Variants in ALDH4A1 observed in about 807,000 individuals in gnomAD.
ALDH4A1 encodes delta-1-pyrroline-5-carboxylate dehydrogenase, mitochondrial.
Under a neutral mutation model 70.5 loss-of-function variants are expected in ALDH4A1, and 46 were observed. The observed-to-expected ratio is 0.65, with a 90% confidence interval of 0.51 to 0.83. The LOEUF (loss-of-function observed/expected upper bound fraction) is 0.83. Ranked by LOEUF, ALDH4A1 falls within the 40% of genes least tolerant of loss-of-function variation. The pLI is 0.00. For synonymous variants in ALDH4A1, 323 were observed against 324.3 expected (o/e 1.00, Z 0.04); for missense variants, 749 against 766.5 (o/e 0.98, Z 0.27).
chr1:18,897,047 A>C (rs1337598321), intron 1 of ALDH4A1: 6 of 533,728 alleles, frequency 1.1e-5, no homozygotes, highest in Non-Finnish European at 1.5e-5. Context: ...CCACCACATA[A>C]GCGTATGAGG....
chr1:18,885,437 C>T, intron 5 of ALDH4A1, 36 bp downstream of exon 5: 1 of 618,510 alleles, frequency 1.6e-6, no homozygotes, highest in Non-Finnish European at 3.0e-6. Context: ...TCCCACCCCA[C>T]CCCGCCCCAC....
Position 18,877,599 on chromosome 1 carries a change from C to G in ALDH4A1, c.954G>C (p.Lys318Asn), listed in dbSNP as rs1219225970. The change falls in exon 10 of 15, where the codon AAG (lysine) becomes AAC (asparagine). Residue 318 changes from lysine to asparagine, a missense_variant. Physicochemically the swap from Lys to Asn is moderately conservative, Grantham distance 94. Transcript: ENST00000375341. The stretch of plus-strand genomic sequence containing the variant: ...CCGAGCGGTGCACGAAGTGGAAGTT[C>G]TTTCCGCCGCACTCTACAGGGGTCG... ...FPRLAGECGG[K>N]NFHFVHRSAD... The G allele has an allele frequency of 6.2e-7, 1 of 1,609,618 alleles. No homozygotes were observed.
rs568068391 is a variant in ALDH4A1 at position 18,898,983 on chromosome 1, T to C, written c.62+3479A>G. Among the ~76,000 whole-genome samples, 6 of 152,370 alleles carry C rather than the reference T, an allele frequency of 3.9e-5. No individual in the cohort carries two copies. Among genetic ancestry groups the C allele is most frequent in the African/African-American group, 1.4e-4 (6 of 41,586 alleles). ...AGGAAACCACTGATCACATCACCGC[T>C]AATCCTTGCAGCCACCTGCTACGTG... On this transcript the variant is annotated intron_variant, in intron 1 of 14. Transcript: ENST00000375341. The surrounding 1 kb of genome is among the most constrained non-coding windows in gnomAD (Gnocchi z 4.3).
At chr1:18,901,466 A>T (rs917609225) in intron 1 of ALDH4A1, among the ~76,000 whole-genome samples, 5 of 152,100 alleles carry the variant, frequency 3.3e-5, no homozygotes, top group African/African-American at 1.2e-4. Context: ...ACAGGTGGGC[A>T]GCCCCACCAG....
At chr1:18,894,922 A>G (rs943288350) in intron 1 of ALDH4A1, among the ~76,000 whole-genome samples, 1 of 132,906 alleles carries the variant, frequency 7.5e-6, no homozygotes, top group Admixed American at 9.0e-5. Context: ...AGGAGTATCC[A>G]TCCACTGGCT....
intron 3 of ALDH4A1, 133 bp downstream of exon 3, chr1:18,889,228 CA>C: frequency 2.5e-6 from 2 of 796,740 alleles, no homozygotes; most frequent in South Asian, 1.6e-5. Context: ...CCACAGAATT[CA>C]AAATCTGGGG....
intron 5 of ALDH4A1, among the ~76,000 whole-genome samples, 189 bp from the exon 6 acceptor site, chr1:18,883,617 ACCTCCTGTAGCCGG>A (rs1339645908): frequency 6.6e-6 from 1 of 152,072 alleles, no homozygotes; most frequent in African/African-American, 2.4e-5. Flanking sequence ...CTGAGCTAGC[ACCTCCTGTAGCCGG>A]CCCTCTGGGC....
At chr1:18,881,573 C>A in intron 8 of ALDH4A1, 127 bp downstream of exon 8, 1 of 1,018,724 alleles carries the variant, frequency 9.8e-7, no homozygotes, top group Non-Finnish European at 1.5e-6. Context: ...CTCATAGCCA[C>A]ACAGCAAGTA....
Position 18,883,668 on chromosome 1 carries a change from G to A in ALDH4A1, c.454-240C>T, listed in dbSNP as rs542888693. ...GGACGGGGATCAGAAGAATTTTAGT[G>A]ATCCTCTGTAGCAGGCCAGGTACTT... is the stretch of plus-strand genomic sequence containing the variant. On this transcript the variant is annotated intron_variant, in intron 5 of 14. Coordinates refer to ENST00000375341, the MANE Select transcript of ALDH4A1 (RefSeq NM_003748.4). Among the ~76,000 whole-genome samples, 170 of 152,340 alleles carry A rather than the reference G, an allele frequency of 1.1e-3. 3 individuals are homozygous for A. The South Asian group carries it at 0.034, about 30-fold the overall frequency.
intron 14 of ALDH4A1, 75 bp from the exon 15 acceptor site, chr1:18,873,032 G>A (rs1299539908): frequency 7.8e-7 from 1 of 1,276,996 alleles, no homozygotes; most frequent in East Asian, 2.3e-5. Flanking sequence ...AGGAGATGAT[G>A]GAATCAACGG....
intron 8 of ALDH4A1, among the ~76,000 whole-genome samples, chr1:18,879,920 A>G (rs1369625534): frequency 1.3e-5 from 2 of 152,196 alleles, no homozygotes; most frequent in Admixed American, 6.5e-5. Context: ...CCAGGCTCCA[A>G]GTGTGACCAA....
In ALDH4A1 at chr1:18,877,476, C is replaced by G. The variant is rs146767266; in HGVS notation, c.1077G>C (p.Ser359=). Residue 359 remains serine (S), a synonymous_variant, in exon 10 of 15, where the codon TCG becomes TCC. Coordinates refer to ENST00000375341, the MANE Select transcript of ALDH4A1 (RefSeq NM_003748.4). The part of the protein sequence containing the change: ...SACSRLYVPH[S]LWPQIKGRLL... ...GCCGCCCTTTGATCTGCGGCCACAG[C>G]GAGTGCGGCACGTAGAGACGCGAGC... 178 of 1,597,936 alleles carry G rather than the reference C, an allele frequency of 1.1e-4. No homozygotes were observed. The highest frequency in any genetic ancestry group is 1.5e-4 in the Non-Finnish European group (175 of 1,172,462).
intron 1 of ALDH4A1, among the ~76,000 whole-genome samples, chr1:18,901,812 C>T (rs1344133903): frequency 6.6e-6 from 1 of 151,928 alleles, no homozygotes; most frequent in Non-Finnish European, 1.5e-5. Context: ...TCATTTAATC[C>T]TCATAAGACA....
At chr1:18,879,727 C>T (rs7529296) in intron 8 of ALDH4A1, among the ~76,000 whole-genome samples, 1,530 of 152,290 alleles carry the variant, frequency 0.01, 31 homozygotes, top group African/African-American at 0.035. Context: ...AAGTGTGAGG[C>T]ATGTGCTTAA....
chr1:18,885,427 T>TGACACCCCCCCCCCCCC, intron 5 of ALDH4A1, 46 bp downstream of exon 5: 1 of 650,922 alleles, frequency 1.5e-6, no homozygotes. Flanking sequence ...CACACCTGAC[T>TGACACCCCCCCCCCCCC]CCCACCCCAC....
At chr1:18,901,233 C>A (rs1935786640) in intron 1 of ALDH4A1, among the ~76,000 whole-genome samples, 1 of 152,204 alleles carries the variant, frequency 6.6e-6, no homozygotes, top group African/African-American at 2.4e-5. Context: ...CCCTCTGTCC[C>A]ATGTCCTCTT....
chr1:18,899,260 T>G lies in ALDH4A1; in HGVS notation c.62+3202A>C, dbSNP rs112903141. On this transcript the variant is annotated intron_variant, in intron 1 of 14. Transcript: ENST00000375341. The stretch of plus-strand genomic sequence containing the variant: ...GGGCTGGGCAGACTAGGAAAAGCAT[T>G]GTGTGCTTTTGATATTTTGAAAATT... Among the ~76,000 whole-genome samples, 11 of 152,342 alleles carry G rather than the reference T, an allele frequency of 7.2e-5. 1 individual carries two copies. The highest frequency in any genetic ancestry group is 1.4e-4 in the African/African-American group (6 of 41,580).
chr1:18,877,717 G>A (rs1157537441), intron 9 of ALDH4A1, 105 bp from the exon 10 acceptor site: 6 of 1,364,950 alleles, frequency 4.4e-6, no homozygotes, highest in Non-Finnish European at 6.1e-6. Flanking sequence ...ACCAACACGA[G>A]CACGGAGCAG....
At chr1:18,877,690 G>A (rs1347780384) in intron 9 of ALDH4A1, 78 bp from the exon 10 acceptor site, 4 of 1,507,708 alleles carry the variant, frequency 2.7e-6, no homozygotes, top group South Asian at 1.2e-5. Context: ...CACCACCTAC[G>A]CCATCCATGG....
Sources: gnomAD v4.1 joint callset for allele counts (sites outside exome capture counted in the v4.1 genomes callset) on GRCh38, gnomAD v4.1.1 for gene constraint, Gnocchi (gnomAD v3.1) non-coding constraint, MANE v1.5 for transcripts, NCBI Gene and HGNC (gene_info 2026-07-23, HGNC 2026-07-21) for gene names.